FRMPD4: variants seen among roughly 807,000 people sequenced by gnomAD.
The protein encoded by FRMPD4 is FERM and PDZ domain-containing protein 4.
Under a neutral mutation model 94.1 loss-of-function variants are expected in FRMPD4, and 22 were observed. That is an observed-to-expected ratio of 0.23 (90% CI 0.17 to 0.33). The LOEUF is 0.33. FRMPD4 is among the 10% of genes least tolerant of loss of function. The pLI, the probability that FRMPD4 is intolerant of heterozygous loss-of-function variation, is 1.00. For synonymous variants in FRMPD4, 631 were observed against 548.6 expected, an observed-to-expected ratio of 1.15 and a Z score of -2.10; for missense variants, 1,111 against 1,339.9, an observed-to-expected ratio of 0.83 and a Z score of 2.67.
In FRMPD4 at chrX:12,410,382, G is replaced by GATCC. The variant is rs1057448524; in HGVS notation, c.42-88297_42-88294dup. Reference sequence around the variant, plus strand: ...TTTTTTCTGAGCCTGGGGATGTTAAGATCCGTCTGTGTTGCTCTGTGTATT... The same window carrying GATCC: ...TTTTTTCTGAGCCTGGGGATGTTAAGATCCATCCGTCTGTGTTGCTCTGTGTATT... On this transcript the variant is annotated intron_variant, in intron 1 of 16. Coordinates refer to ENST00000675598, the MANE Select transcript of FRMPD4 (RefSeq NM_001368397.1). Among the ~76,000 whole-genome samples the GATCC allele has an allele frequency of 1.3e-3, 144 of 111,701 alleles. 1 individual carries two copies. The highest frequency in any genetic ancestry group is 4.4e-3 in the African/African-American group (136 of 30,791).
chrX:11,944,969 A>G (rs2054181114), intron 3 of FRMPD4, among the ~76,000 whole-genome samples: 1 of 112,353 alleles, frequency 8.9e-6, no homozygotes, highest in African/African-American at 3.2e-5. Flanking sequence ...TATAGAAGCA[A>G]CAGCTTTCAG....
intron 1 of FRMPD4, among the ~76,000 whole-genome samples, chrX:12,394,158 A>T (rs1390089991): frequency 1.8e-5 from 2 of 112,041 alleles, no homozygotes; most frequent in African/African-American, 3.2e-5. Flanking sequence ...AAATGTCATG[A>T]CTTATTTTGC....
At chrX:12,241,139 A>G (rs1287136739) in intron 1 of FRMPD4, among the ~76,000 whole-genome samples, 1 of 112,593 alleles carries the variant, frequency 8.9e-6, no homozygotes, top group Non-Finnish European at 1.9e-5. Flanking sequence ...AAAGCTGGCA[A>G]CAATAGAAAT....
chrX:11,895,409 C>A (rs1235787622), intron 3 of FRMPD4, among the ~76,000 whole-genome samples: 1 of 111,219 alleles, frequency 9.0e-6, no homozygotes, highest in Non-Finnish European at 1.9e-5. Context: ...GGCTTCAGAA[C>A]ATTAATGAAA....
At chrX:12,428,623 C>G (rs2056977966) in intron 1 of FRMPD4, among the ~76,000 whole-genome samples, 1 of 111,463 alleles carries the variant, frequency 9.0e-6, no homozygotes, top group African/African-American at 3.3e-5. Context: ...GGTTTACTCC[C>G]TCTGTTTGCT....
At chrX:12,480,975 A>T (rs1406458068) in intron 1 of FRMPD4, among the ~76,000 whole-genome samples, 1 of 111,907 alleles carries the variant, frequency 8.9e-6, no homozygotes, top group African/African-American at 3.3e-5. Context: ...TGAGATCCAC[A>T]GAACAGGTGA....
intron 2 of FRMPD4, among the ~76,000 whole-genome samples, chrX:12,584,386 A>C (rs1164877268): frequency 1.8e-5 from 2 of 111,617 alleles, no homozygotes; most frequent in East Asian, 5.6e-4. Flanking sequence ...ACGGCTTCTT[A>C]AGGCGGACCT....
intron 2 of FRMPD4, among the ~76,000 whole-genome samples, chrX:12,511,688 G>A (rs1378810719): frequency 9.0e-6 from 1 of 111,698 alleles, no homozygotes; most frequent in Non-Finnish European, 1.9e-5. Flanking sequence ...TGCATGATGG[G>A]AGTCCCAGAA....
rs1267994609 is a variant in FRMPD4, at chrX:12,500,811, TTG to T, written c.158+2017_158+2018del. Among the ~76,000 whole-genome samples, 31 of 112,013 alleles carry T rather than the reference TTG, an allele frequency of 2.8e-4. No individual in the cohort carries two copies. In the Admixed American group the frequency reaches 2.9e-3, roughly 11 times the overall value. On this transcript the variant is annotated intron_variant, in intron 2 of 16. Coordinates refer to ENST00000675598, the MANE Select transcript of FRMPD4 (RefSeq NM_001368397.1). The stretch of plus-strand genomic sequence containing the variant: ...GAAGACAGTATTTTTTAATATTATA[TTG>T]TACCATCTATTTTGTAACATGGCTA...
chrX:12,455,950 G>A (rs760850828), intron 1 of FRMPD4, among the ~76,000 whole-genome samples: 13 of 111,108 alleles, frequency 1.2e-4, no homozygotes, highest in Admixed American at 1.9e-4. Context: ...ATGCACCACC[G>A]TGCCTGGCTG....
chrX:12,633,874 C>T (rs770224841), intron 4 of FRMPD4, among the ~76,000 whole-genome samples: 4 of 112,005 alleles, frequency 3.6e-5, no homozygotes, highest in East Asian at 2.8e-4. Context: ...TATTTACCAC[C>T]GTGTAGTAGA....
chrX:12,103,362 A>G (rs1038982978), intron 3 of FRMPD4, among the ~76,000 whole-genome samples: 2 of 112,366 alleles, frequency 1.8e-5, no homozygotes, highest in African/African-American at 6.5e-5. Context: ...CATCACAGTT[A>G]GAAAGTAACC....
At chrX:11,917,879 G>A (rs191540161) in intron 3 of FRMPD4, among the ~76,000 whole-genome samples, 128 of 103,631 alleles carry the variant, frequency 1.2e-3, no homozygotes, top group African/African-American at 4.4e-3. Flanking sequence ...CATGTACCCC[G>A]TGAATCTAAA....
intron 1 of FRMPD4, among the ~76,000 whole-genome samples, chrX:12,292,906 A>G (rs1376564080): frequency 2.7e-5 from 3 of 110,809 alleles, no homozygotes; most frequent in African/African-American, 9.9e-5. Flanking sequence ...TTTGGTGTGT[A>G]TGTACCTACA....
chrX:11,953,712 GGAAA>G (rs1305229271), intron 3 of FRMPD4, among the ~76,000 whole-genome samples: 22 of 111,659 alleles, frequency 2.0e-4, no homozygotes, highest in African/African-American at 7.2e-4. Context: ...GCGATGAGCA[GGAAA>G]TGCCTTTCCT....
chrX:12,078,630 T>G (rs1209373054), intron 3 of FRMPD4, among the ~76,000 whole-genome samples: 1 of 112,402 alleles, frequency 8.9e-6, no homozygotes, highest in African/African-American at 3.2e-5. Context: ...AATTATCAAG[T>G]GTCAGATTCC....
At chrX:12,144,670 C>T (rs763787143) in intron 1 of FRMPD4, among the ~76,000 whole-genome samples, 21 of 109,613 alleles carry the variant, frequency 1.9e-4, no homozygotes, top group African/African-American at 6.3e-4. Flanking sequence ...TTGAATATAA[C>T]GGAATACAAT....
In FRMPD4 at chrX:12,332,207, T is replaced by TAG. The variant is rs531737337; in HGVS notation, c.42-166437_42-166436dup. Among the ~76,000 whole-genome samples, 343 of 59,534 alleles carry TAG rather than the reference T, an allele frequency of 5.8e-3. 11 individuals carry two copies. The highest frequency in any genetic ancestry group is 0.019 in the East Asian group (40 of 2,149). 51.7% of individuals were successfully genotyped at this position (59,534 alleles called of 115,157 possible). On this transcript the variant is annotated intron_variant, in intron 1 of 16. Transcript: ENST00000675598. ...TTTATATTTTATATATATATATATA[T>TAG]AGAGAGAGAGAGAGAGAGAGAGAGA...
intron 3 of FRMPD4, among the ~76,000 whole-genome samples, chrX:12,125,108 C>A (rs1034313610): frequency 9.0e-6 from 1 of 111,703 alleles, no homozygotes; most frequent in Admixed American, 9.5e-5. Context: ...TGCTTGGAGC[C>A]CCAGAAGCTT....
Sources: gnomAD v4.1 joint callset for allele counts (sites outside exome capture counted in the v4.1 genomes callset) on GRCh38, gnomAD v4.1.1 for gene constraint, MANE v1.5 for transcripts, NCBI Gene and HGNC (gene_info 2026-07-23, HGNC 2026-07-21) for gene names.